Variants in FOXO3 observed in about 807,000 individuals in gnomAD.
FOXO3 encodes the protein forkhead box O3, also known as forkhead box protein O3.
In FOXO3, 4 loss-of-function variants were observed where a neutral mutation model predicts 41.9. The observed-to-expected ratio is 0.10, with a 90% CI of 0.05 to 0.22. FOXO3 has a LOEUF of 0.22. Among genes scored for constraint, FOXO3 ranks in the 10% least tolerant of loss-of-function variants. The pLI is 1.00. For missense variants in FOXO3, 534 were observed against 906.8 expected, an observed-to-expected ratio of 0.59 and a Z score of 5.28; for synonymous variants, 318 against 389.3, an observed-to-expected ratio of 0.82 and a Z score of 2.16.
At position 108,679,830 on chromosome 6, in the gene FOXO3, C is replaced by G. The variant is rs1472059380; in HGVS notation, c.*38C>G. 9 of 154,854 alleles carry G rather than the reference C, an allele frequency of 5.8e-5. No homozygotes were observed. Among genetic ancestry groups the G allele is most frequent in the African/African-American group, 1.9e-4 (8 of 41,500 alleles). 9.6% of individuals were successfully genotyped at this position (154,854 alleles called of 1,614,324 possible). ...GTTTTCTTTTCTCCTCCTTTAGACC[C>G]TCAAACTGACACAAGACCTACAGAG... On this transcript the variant is annotated 3_prime_UTR_variant, in exon 3 of 3. Transcript: ENST00000406360.
intron 1 of FOXO3, among the ~76,000 whole-genome samples, chr6:108,583,074 C>T (rs1416356065): frequency 6.6e-6 from 1 of 152,132 alleles, no homozygotes; most frequent in Non-Finnish European, 1.5e-5. Flanking sequence ...TACTTGAAAC[C>T]ACCCAGTGAG....
At chr6:108,594,753 A>C (rs1268558010) in intron 1 of FOXO3, among the ~76,000 whole-genome samples, 1 of 152,206 alleles carries the variant, frequency 6.6e-6, no homozygotes, top group African/African-American at 2.4e-5. Flanking sequence ...GGTGTAGGGC[A>C]GAATGGCTAG....
intron 1 of FOXO3, among the ~76,000 whole-genome samples, chr6:108,644,944 A>C (rs529689586): frequency 6.6e-5 from 10 of 152,292 alleles, no homozygotes; most frequent in African/African-American, 2.2e-4. Flanking sequence ...AAAATCTATG[A>C]ATGAGACCAG....
At chr6:108,598,793 G>C (rs991270333) in intron 1 of FOXO3, among the ~76,000 whole-genome samples, 3 of 152,116 alleles carry the variant, frequency 2.0e-5, no homozygotes, top group Non-Finnish European at 4.4e-5. Context: ...GCCTACCCAG[G>C]GCATTGCTTT....
chr6:108,582,582 A>T (rs542567271), intron 1 of FOXO3, among the ~76,000 whole-genome samples: 21 of 152,170 alleles, frequency 1.4e-4, no homozygotes, highest in Non-Finnish European at 2.8e-4. Flanking sequence ...TCCCTTTGTT[A>T]GGTTTTTGTC....
At chr6:108,653,445 G>T (rs1681634582) in intron 1 of FOXO3, among the ~76,000 whole-genome samples, 2 of 152,134 alleles carry the variant, frequency 1.3e-5, no homozygotes, top group South Asian at 4.1e-4. Context: ...TGGGTGGTGG[G>T]TTACACCTCA....
chr6:108,593,275 G>A (rs1444143215), intron 1 of FOXO3, among the ~76,000 whole-genome samples: 1 of 152,202 alleles, frequency 6.6e-6, no homozygotes, highest in African/African-American at 2.4e-5. Context: ...AAATAGATGA[G>A]CTTGAAAGAG....
chr6:108,672,507 A>G (rs1192750392), intron 2 of FOXO3, among the ~76,000 whole-genome samples: 1 of 152,186 alleles, frequency 6.6e-6, no homozygotes, highest in Non-Finnish European at 1.5e-5. Flanking sequence ...CTGCTCAGTA[A>G]TAGATGTGGA....
chr6:108,663,414 C>T (rs373631571), intron 1 of FOXO3, 41 bp from the exon 2 acceptor site: 261 of 1,541,608 alleles, frequency 1.7e-4, no homozygotes, highest in Middle Eastern at 3.5e-4. Context: ...CGGTTTTGGA[C>T]CATTCTGGTT....
intron 1 of FOXO3, among the ~76,000 whole-genome samples, chr6:108,587,072 A>G (rs761850191): frequency 6.6e-5 from 10 of 151,386 alleles, no homozygotes; most frequent in African/African-American, 4.9e-5. Context: ...TGGCCTCTCA[A>G]AGTGCCTCTC....
At chr6:108,564,149 G>T (rs1775889999) in intron 1 of FOXO3, among the ~76,000 whole-genome samples, 1 of 152,138 alleles carries the variant, frequency 6.6e-6, no homozygotes, top group Non-Finnish European at 1.5e-5. Context: ...CGACTAAAGG[G>T]ATATAATTTT....
At position 108,614,713 on chromosome 6, in the gene FOXO3, T is replaced by G. The variant is rs189252506; in HGVS notation, c.622-48742T>G. Reference sequence around the variant, plus strand: ...GGAGGGTTTTTTGTTGATGTTTTGGTTTTTTTTTGTTTTTTATTTTTTGCG... The same window carrying G: ...GGAGGGTTTTTTGTTGATGTTTTGGGTTTTTTTTGTTTTTTATTTTTTGCG... On this transcript the variant is annotated intron_variant, in intron 1 of 2. Transcript: ENST00000406360. 5.2e-3 allele frequency among the ~76,000 whole-genome samples: 780 copies of G among 151,140 alleles called. 5 individuals are homozygous for G. The highest frequency in any genetic ancestry group is 0.017 in the Middle Eastern group (5 of 292).
chr6:108,605,369 G>A (rs192269231), intron 1 of FOXO3, among the ~76,000 whole-genome samples: 15 of 152,212 alleles, frequency 9.9e-5, no homozygotes, highest in Middle Eastern at 3.4e-3. Flanking sequence ...TGCCTGCCTT[G>A]ACCTCCCAAA....
Position 108,683,654 on chromosome 6 carries a change from C to T in FOXO3, c.*3862C>T, listed in dbSNP as rs1387176926. 4.0e-5 allele frequency: 6 copies of T among 150,300 alleles called. No individual in the cohort carries two copies. 9.3% of individuals were successfully genotyped at this position (150,300 alleles called of 1,614,324 possible). ...TGAGCCGAGATCATGCCAGTGCACT[C>T]CAGCCTGGGTAACAAGAGTGAAACT... On this transcript the variant is annotated 3_prime_UTR_variant, in exon 3 of 3. Transcript: ENST00000406360.
intron 1 of FOXO3, among the ~76,000 whole-genome samples, chr6:108,587,562 T>G (rs1465218499): frequency 6.6e-6 from 1 of 152,148 alleles, no homozygotes; most frequent in Non-Finnish European, 1.5e-5. Flanking sequence ...CCCCACACAC[T>G]TGTTCTACGG....
intron 1 of FOXO3, among the ~76,000 whole-genome samples, chr6:108,562,066 G>T (rs761931759): frequency 2.4e-4 from 37 of 152,140 alleles, no homozygotes; most frequent in Non-Finnish European, 4.4e-4. Context: ...GGTGAGGAGA[G>T]GGGGCAGGGG....
At chr6:108,649,515 C>CT (rs886836999) in intron 1 of FOXO3, among the ~76,000 whole-genome samples, 3,081 of 95,198 alleles carry the variant, frequency 0.032, 440 homozygotes, top group Non-Finnish European at 0.042. Context: ...CCACCCTCAG[C>CT]TTTTTTTTTT....
At chr6:108,611,302 G>C (rs998431798) in intron 1 of FOXO3, among the ~76,000 whole-genome samples, 2 of 152,152 alleles carry the variant, frequency 1.3e-5, no homozygotes, top group African/African-American at 4.8e-5. Flanking sequence ...GTTTTTTACA[G>C]TTATGAATAA....
chr6:108,582,967 G>T (rs143953404), intron 1 of FOXO3, among the ~76,000 whole-genome samples: 11 of 152,238 alleles, frequency 7.2e-5, no homozygotes, highest in African/African-American at 2.4e-4. Context: ...ATTGATGATG[G>T]AACTCCTGAG....
Sources: gnomAD v4.1 joint callset for allele counts (sites outside exome capture counted in the v4.1 genomes callset) on GRCh38, gnomAD v4.1.1 for gene constraint, MANE v1.5 for transcripts, NCBI Gene and HGNC (gene_info 2026-07-23, HGNC 2026-07-21) for gene names.